Variants in RASGRP3 observed in about 807,000 individuals in gnomAD.
RASGRP3 encodes the protein ras guanyl-releasing protein 3.
In RASGRP3, 54 loss-of-function variants were observed where a neutral mutation model predicts 82.7. The observed-to-expected ratio is 0.65, with a 90% CI of 0.52 to 0.82. RASGRP3 has a LOEUF of 0.82. Among genes scored for constraint, RASGRP3 ranks in the 40% least tolerant of loss-of-function variants. The pLI is 0.00. For synonymous variants in RASGRP3, 309 were observed against 300.5 expected, an observed-to-expected ratio of 1.03 and a Z score of -0.29; for missense variants, 861 against 828.9, an observed-to-expected ratio of 1.04 and a Z score of -0.48.
At chr2:33,559,403 G>A (rs1361454477) in intron 17 of RASGRP3, among the ~76,000 whole-genome samples, 1 of 152,152 alleles carries the variant, frequency 6.6e-6, no homozygotes, top group African/African-American at 2.4e-5. Context: ...CTCAAGAAAG[G>A]CAGTAGAAGC....
chr2:33,528,640 T>G (rs914117856), intron 10 of RASGRP3, among the ~76,000 whole-genome samples: 1 of 152,214 alleles, frequency 6.6e-6, no homozygotes, highest in African/African-American at 2.4e-5. Context: ...GTCTGCTGCA[T>G]TGGAATAGGA....
chr2:33,477,187 T>C (rs1667453880), intron 1 of RASGRP3, among the ~76,000 whole-genome samples: 1 of 152,236 alleles, frequency 6.6e-6, no homozygotes, highest in Admixed American at 6.5e-5. Flanking sequence ...ATTTGATTTT[T>C]CCTATTCAAT....
intron 9 of RASGRP3, among the ~76,000 whole-genome samples, chr2:33,525,231 A>G (rs971959102): frequency 6.6e-6 from 1 of 152,160 alleles, no homozygotes; most frequent in African/African-American, 2.4e-5. Flanking sequence ...CTCCTGAAAT[A>G]AAGTCATTGA....
At chr2:33,523,324 G>A (rs1672205267) in intron 7 of RASGRP3, among the ~76,000 whole-genome samples, 1 of 152,018 alleles carries the variant, frequency 6.6e-6, no homozygotes, top group Admixed American at 6.6e-5. Context: ...ATTTAGCCAG[G>A]TGTGGCAGCT....
intron 1 of RASGRP3, among the ~76,000 whole-genome samples, chr2:33,500,888 C>T (rs528757542): frequency 2.0e-5 from 3 of 152,194 alleles, no homozygotes; most frequent in East Asian, 1.9e-4. Context: ...GAGCCAAGAT[C>T]GCACCACTGC....
chr2:33,485,580 G>T (rs1397890188), intron 1 of RASGRP3, among the ~76,000 whole-genome samples: 2 of 152,178 alleles, frequency 1.3e-5, no homozygotes, highest in African/African-American at 4.8e-5. Flanking sequence ...AGCAGTGACA[G>T]TTTGCTTTAA....
chr2:33,486,318 C>G (rs6757351), intron 1 of RASGRP3, among the ~76,000 whole-genome samples: 21,871 of 151,918 alleles, frequency 0.14, 1,807 homozygotes, highest in African/African-American at 0.23. Context: ...TGCCCACCAC[C>G]AAACCCAGCT....
At chr2:33,532,772 G>A (rs1047374984) in intron 10 of RASGRP3, 4 of 152,298 alleles carry the variant, frequency 2.6e-5, no homozygotes, top group South Asian at 2.1e-4. Context: ...TAAAAGAAAC[G>A]TGACCTGATT....
At chr2:33,525,029 C>A (rs1033069057) in intron 9 of RASGRP3, among the ~76,000 whole-genome samples, 1 of 144,808 alleles carries the variant, frequency 6.9e-6, no homozygotes, top group African/African-American at 2.6e-5. Context: ...TGCAGTGAGC[C>A]GAGATCACCC....
In RASGRP3 at chr2:33,453,647, A is replaced by G. The variant is rs1257064061; in HGVS notation, c.-261+5704A>G. Reference sequence around the variant, plus strand: ...CTTGCCTTGGAAGTCATACGTCATCACTTTTCATGTATCCTATTGGTCACT... The same window carrying G: ...CTTGCCTTGGAAGTCATACGTCATCGCTTTTCATGTATCCTATTGGTCACT... On this transcript the variant is annotated intron_variant, in intron 2 of 18. Transcript: ENST00000402538. Among the ~76,000 whole-genome samples the G allele has an allele frequency of 3.3e-5, 5 of 152,152 alleles. No homozygotes were observed. In the South Asian group the frequency reaches 6.2e-4, roughly 19 times the overall value.
intron 13 of RASGRP3, among the ~76,000 whole-genome samples, 159 bp from the exon 14 acceptor site, chr2:33,549,445 C>G (rs138326093): frequency 2.5e-3 from 382 of 152,246 alleles, no homozygotes; most frequent in Non-Finnish European, 3.9e-3. Flanking sequence ...CCTGAAGATG[C>G]CTTTTGAGGT....
intron 1 of RASGRP3, among the ~76,000 whole-genome samples, chr2:33,501,237 C>T (rs1037590325): frequency 6.6e-6 from 1 of 152,186 alleles, no homozygotes; most frequent in African/African-American, 2.4e-5. Flanking sequence ...ATCTATATTG[C>T]AGCATGTATC....
chr2:33,502,549 A>G (rs1669974198), intron 1 of RASGRP3, among the ~76,000 whole-genome samples: 1 of 130,150 alleles, frequency 7.7e-6, no homozygotes, highest in Admixed American at 8.7e-5. Flanking sequence ...CCTTTTGCCT[A>G]GGCTGGAGTG....
At chr2:33,438,334 G>A (rs1665034503) in intron 1 of RASGRP3, among the ~76,000 whole-genome samples, 1 of 152,136 alleles carries the variant, frequency 6.6e-6, no homozygotes, top group Admixed American at 6.5e-5. Context: ...AGACCGAGGC[G>A]GGTGGATCAC....
intron 2 of RASGRP3, among the ~76,000 whole-genome samples, chr2:33,452,333 A>G (rs1326643926): frequency 3.9e-5 from 6 of 152,308 alleles, no homozygotes; most frequent in African/African-American, 1.4e-4. Context: ...ATGAAGAAGT[A>G]AGCACCTGTT....
intron 1 of RASGRP3, among the ~76,000 whole-genome samples, chr2:33,494,491 C>A (rs570224084): frequency 1.3e-4 from 20 of 152,312 alleles, no homozygotes; most frequent in African/African-American, 3.6e-4. Context: ...CCCAAAGGGT[C>A]TACCGTGATG....
chr2:33,467,980 TTTTCTTTCTTTCTTTCTTTCTTTCTTTC>T (rs60989460), intron 2 of RASGRP3, among the ~76,000 whole-genome samples: 3,199 of 116,418 alleles, frequency 0.027, 130 homozygotes, highest in African/African-American at 0.089. Context: ...TGGTGAGGCT[TTTTCTTTCTTTCTTTCTTTCTTTCTTTC>T]TTTCTTTCTT....
intron 2 of RASGRP3, among the ~76,000 whole-genome samples, chr2:33,453,505 C>T (rs559437551): frequency 6.6e-6 from 1 of 152,196 alleles, no homozygotes; most frequent in South Asian, 2.1e-4. Flanking sequence ...CAGTTCCTTT[C>T]TTCGTGGACT....
chr2:33,487,962 G>A lies in RASGRP3; in HGVS notation c.-261+11255G>A, dbSNP rs146837405. 5.2e-4 allele frequency among the ~76,000 whole-genome samples: 79 copies of A among 152,142 alleles called. No homozygotes were observed. The East Asian group carries it at 8.7e-3, about 17-fold the overall frequency. On this transcript the variant is annotated intron_variant, in intron 1 of 17. Transcript: ENST00000403687. ...ACTTCATTCCTAAACATTTCATCAC[G>A]TATATATGTATATTACCAACTAGAG... is the stretch of plus-strand genomic sequence containing the variant.
Sources: allele counts gnomAD v4.1 joint callset (sites outside exome capture counted in the v4.1 genomes callset), GRCh38; gene constraint gnomAD v4.1.1; transcripts MANE v1.5; gene names NCBI Gene and HGNC (gene_info 2026-07-23, HGNC 2026-07-21).